Variants in HOXA3 observed in about 807,000 individuals in gnomAD.
The protein encoded by HOXA3 is homeobox protein Hox-A3.
A neutral mutation model predicts 30.3 loss-of-function variants in HOXA3; 8 were observed. The observed-to-expected ratio is 0.26, with a 90% CI of 0.15 to 0.48. The LOEUF (loss-of-function observed/expected upper bound fraction) is 0.48, where lower values mean the gene tolerates loss of function less well. Ranked by LOEUF, HOXA3 falls within the 20% of genes least tolerant of loss-of-function variation. The pLI is 0.99. For missense variants in HOXA3, 653 were observed against 614.4 expected (o/e 1.06, Z -0.66); for synonymous variants, 323 against 273.1 (o/e 1.18, Z -1.80).
chr7:27,151,153 C>A, intron 1 of HOXA3: 1 of 167,640 alleles, frequency 6.0e-6, no homozygotes, highest in Non-Finnish European at 1.3e-5. Context: ...GAATCCATAC[C>A]AAGATATTGT....
chr7:27,143,111 G>A (rs377343707), intron 1 of HOXA3: 2 of 1,585,380 alleles, frequency 1.3e-6, no homozygotes, highest in African/African-American at 2.8e-5. Context: ...CGCCGGGCTC[G>A]GCTCGCTCTG....
At chr7:27,139,609 T>C (rs1203476622) in intron 2 of HOXA3, among the ~76,000 whole-genome samples, 2 of 152,156 alleles carry the variant, frequency 1.3e-5, no homozygotes, top group African/African-American at 4.8e-5. Context: ...CCCCGGCCTT[T>C]CTTTCAAACT....
intron 2 of HOXA3, chr7:27,130,909 G>T (rs536488915): frequency 4.6e-6 from 3 of 658,222 alleles, no homozygotes; most frequent in African/African-American, 3.9e-5. Flanking sequence ...ACCAAAGTTC[G>T]AGCCGCTCCT....
At chr7:27,148,325 G>C (rs1427870926) in intron 1 of HOXA3, among the ~76,000 whole-genome samples, 2 of 152,274 alleles carry the variant, frequency 1.3e-5, no homozygotes, top group Non-Finnish European at 2.9e-5. Context: ...TCGTGGGTGC[G>C]AGTTCTTGAG....
In HOXA3 at chr7:27,130,387, G is replaced by A. The variant is rs1464079425; in HGVS notation, c.-389-3317C>T. 4 of 1,154,290 alleles carry A rather than the reference G, an allele frequency of 3.5e-6. No individual in the cohort carries two copies. In the East Asian group the frequency reaches 1.2e-4, roughly 35 times the overall value. 71.5% of individuals were successfully genotyped at this position (1,154,290 alleles called of 1,614,324 possible). A position where few individuals can be genotyped will look rare whatever the true frequency, so the allele number is the denominator to read the frequency against. On this transcript the variant is annotated intron_variant, in intron 2 of 5. Coordinates refer to ENST00000612286, the MANE Select transcript of HOXA3 (RefSeq NM_153631.3). ...CTTGGCTTGCGCCGGGGGCTGCTCG[G>A]GCTGGGGCGGCCGCCCGGGGCTGGC...
chr7:27,129,554 C>G (rs1384190100), intron 2 of HOXA3: 2 of 1,613,448 alleles, frequency 1.2e-6, no homozygotes, highest in Non-Finnish European at 1.7e-6. Flanking sequence ...GGCTCCCCTC[C>G]GTTATAACTG....
At chr7:27,135,872 T>A (rs949379621) in intron 2 of HOXA3, among the ~76,000 whole-genome samples, 41 of 152,214 alleles carry the variant, frequency 2.7e-4, no homozygotes, top group Admixed American at 1.2e-3. Context: ...TCTATGCCTA[T>A]TTACCTGCTG....
intron 3 of HOXA3, 33 bp downstream of exon 3, chr7:27,126,853 C>A (rs1340700008): frequency 6.6e-6 from 1 of 152,174 alleles, no homozygotes; most frequent in African/African-American, 2.4e-5. Context: ...CCATACCCCT[C>A]TTTTCCCACA....
rs917522753 is a variant in HOXA3 at position 27,140,196 on chromosome 7, A to C, written c.-493-10T>G. On this transcript the variant is annotated splice_polypyrimidine_tract_variant and intron_variant, in intron 1 of 5. Transcript: ENST00000612286. ...AGGCGGCACACGTAGCCTGCAAAAG[A>C]GTCAAATGGAGTCCAGCGTTAGTGA... is the stretch of plus-strand genomic sequence containing the variant. The C allele has an allele frequency of 6.6e-6, 1 of 152,158 alleles. No individual in the cohort carries two copies. The highest frequency in any genetic ancestry group is 2.4e-5 in the African/African-American group (1 of 41,416). The allele number at this position is 152,158 out of a possible 1,614,324, so 9.4% of individuals were successfully genotyped here.
intron 2 of HOXA3, chr7:27,130,577 G>A (rs1381752319): frequency 2.1e-6 from 3 of 1,454,574 alleles, no homozygotes; most frequent in African/African-American, 3.0e-5. Flanking sequence ...TGCAGCGGCA[G>A]GTGCTGGGTC....
At chr7:27,117,104 G>A (rs764645761) in intron 4 of HOXA3, among the ~76,000 whole-genome samples, 1 of 152,184 alleles carries the variant, frequency 6.6e-6, no homozygotes, top group Non-Finnish European at 1.5e-5. Flanking sequence ...CCAGGAGTGT[G>A]GGGTCCCCAA....
Position 27,107,637 on chromosome 7 carries a change from G to A in HOXA3, c.*278C>T, listed in dbSNP as rs1248655429. The A allele has an allele frequency of 5.5e-6, 2 of 361,140 alleles. No homozygotes were observed. Among genetic ancestry groups the A allele is most frequent in the Non-Finnish European group, 9.8e-6 (2 of 203,238 alleles). The allele number at this position is 361,140 out of a possible 1,614,324, so 22.4% of individuals were successfully genotyped here. ...CTGTTTCTGATCAAAGAGTGGAGAAGGTAAAGGGTGCAGGGCCAGTGGCCT... is the reference window on the plus strand; with the variant it reads ...CTGTTTCTGATCAAAGAGTGGAGAAAGTAAAGGGTGCAGGGCCAGTGGCCT... On this transcript the variant is annotated 3_prime_UTR_variant, in exon 6 of 6. Coordinates refer to ENST00000612286, the MANE Select transcript of HOXA3 (RefSeq NM_153631.3).
chr7:27,125,082 C>A (rs942423267), intron 3 of HOXA3, among the ~76,000 whole-genome samples: 1 of 152,210 alleles, frequency 6.6e-6, no homozygotes, highest in African/African-American at 2.4e-5. Context: ...GCTGTACACA[C>A]CTGTGACCGT....
intron 1 of HOXA3, chr7:27,151,483 C>T (rs1374809990): frequency 9.6e-6 from 4 of 417,900 alleles, no homozygotes; most frequent in South Asian, 3.3e-5. Flanking sequence ...AGCTGCGGGA[C>T]CCTGCCACGC....
rs1157544592 is a variant in HOXA3, at chr7:27,108,827, T to C, written c.527-107A>G. On this transcript the variant is annotated intron_variant, in intron 5 of 5. Transcript: ENST00000612286. This position sits in a 1 kb window ranked among gnomAD's most constrained non-coding sequence, Gnocchi z 5.0. ...CCACCAGGCCCCAAAGGTTCCTGCA[T>C]CCGTCAGGTCCCAGAGAGAAGTAGG... 2.6e-6 allele frequency: 2 copies of C among 771,556 alleles called. No homozygotes were observed. The highest frequency in any genetic ancestry group is 4.1e-6 in the Non-Finnish European group (2 of 491,444). 47.8% of individuals were successfully genotyped at this position (771,556 alleles called of 1,614,324 possible).
chr7:27,110,205 G>T lies in HOXA3; in HGVS notation c.436C>A (p.Leu146Ile), dbSNP rs1226155884. ...TGTTTGGCCACTGTGGGTGAGTTGA[G>T]CAGGGGGCTCTTGGCCGCGTTGGCA... Reference protein sequence around the residue: ...TPANAAKSPLLNSPTVAKQIF... With the variant: ...TPANAAKSPLINSPTVAKQIF... The change falls in exon 5 of 6, where the codon CTC becomes ATC. Residue 146 changes from leucine (L) to isoleucine (I), a missense_variant. By Grantham distance (5) the Leu-to-Ile change is conservative (BLOSUM62 2). Around this residue, in one of 3 missense-constraint regions of HOXA3, gnomAD observed 320 missense variants for 321.9 expected, o/e 0.99. Coordinates refer to ENST00000612286, the MANE Select transcript of HOXA3 (RefSeq NM_153631.3). 4 of 1,614,180 alleles carry T rather than the reference G, an allele frequency of 2.5e-6. No individual in the cohort carries two copies. The highest frequency in any genetic ancestry group is 3.4e-6 in the Non-Finnish European group (4 of 1,180,026).
chr7:27,142,155 G>A, intron 1 of HOXA3: 1 of 1,546,884 alleles, frequency 6.5e-7, no homozygotes, highest in South Asian at 1.2e-5. Flanking sequence ...GGACAAGCTT[G>A]GGTCATGAGC....
intron 1 of HOXA3, among the ~76,000 whole-genome samples, chr7:27,152,077 GGTGT>G (rs368928402): frequency 1.3e-5 from 2 of 151,496 alleles, no homozygotes; most frequent in African/African-American, 4.9e-5. Context: ...GAAAGGGAGT[GGTGT>G]GTGTGTGTGT....
In HOXA3 at chr7:27,129,415, T is replaced by C. The variant is rs558056484; in HGVS notation, c.-389-2345A>G. The C allele has an allele frequency of 1.6e-5, 26 of 1,614,110 alleles. No individual in the cohort carries two copies. In the East Asian group the frequency reaches 5.6e-4, roughly 35 times the overall value. ...CCGGTTCTGAAACCAGATCTTGACC[T>C]GGCGCTCAGACAAACAGAGCGTGTG... On this transcript the variant is annotated intron_variant, in intron 2 of 5. Transcript: ENST00000612286.
Sources: gnomAD v4.1 joint callset for allele counts (sites outside exome capture counted in the v4.1 genomes callset) on GRCh38, gnomAD v4.1.1 for gene constraint, gnomAD v4.1.1 regional missense constraint, Gnocchi (gnomAD v3.1) non-coding constraint, MANE v1.5 for transcripts, NCBI Gene and HGNC (gene_info 2026-07-23, HGNC 2026-07-21) for gene names.